Variants in ATP13A3 observed in about 807,000 individuals in gnomAD.
ATP13A3 encodes the protein polyamine-transporting ATPase 13A3.
Under a neutral mutation model 158.1 loss-of-function variants are expected in ATP13A3, and 59 were observed. That is an observed-to-expected ratio of 0.37 (90% CI 0.30 to 0.46). ATP13A3 has a LOEUF of 0.46. Among genes scored for constraint, ATP13A3 ranks in the 20% least tolerant of loss-of-function variants. The pLI, the probability that ATP13A3 is intolerant of heterozygous loss-of-function variation, is 1.00. For synonymous variants in ATP13A3, 491 were observed against 504.3 expected, an observed-to-expected ratio of 0.97 and a Z score of 0.35; for missense variants, 1,166 against 1,525.2, an observed-to-expected ratio of 0.76 and a Z score of 3.92.
At chr3:194,471,456 C>A (rs1469108884) in intron 2 of ATP13A3, among the ~76,000 whole-genome samples, 2 of 151,984 alleles carry the variant, frequency 1.3e-5, no homozygotes, top group East Asian at 3.9e-4. Flanking sequence ...CGGGTTCAAG[C>A]AATTCTCTTG....
At chr3:194,434,450 A>G (rs1467229077) in intron 20 of ATP13A3, among the ~76,000 whole-genome samples, 1 of 152,250 alleles carries the variant, frequency 6.6e-6, no homozygotes, top group Admixed American at 6.5e-5. Flanking sequence ...AGTATCAAGA[A>G]TGCAGCAGGC....
chr3:194,431,151 T>C lies in ATP13A3; in HGVS notation c.2497A>G (p.Lys833Glu). 6.2e-7 allele frequency: 1 copy of C among 1,613,982 alleles called. No individual in the cohort carries two copies. The change falls in exon 23 of 34, where the codon AAA becomes GAA. Residue 833 changes from lysine (K) to glutamate (E), a missense_variant. Physicochemically the swap from Lys to Glu is moderately conservative, Grantham distance 56 (BLOSUM62 1). Coordinates refer to ENST00000645319, the MANE Select transcript of ATP13A3 (RefSeq NM_001367549.1). The stretch of plus-strand genomic sequence containing the variant: ...TGCTCCAGTATCACTGAGAATGATT[T>C]TCCATTCATTGCAAAATGATAACGA... Reference protein sequence around the residue: ...MTRYHFAMNGKSFSVILEHFQ... With the variant: ...MTRYHFAMNGESFSVILEHFQ...
chr3:194,424,958 C>G (rs193032343), intron 30 of ATP13A3, among the ~76,000 whole-genome samples: 3 of 152,306 alleles, frequency 2.0e-5, no homozygotes, highest in Admixed American at 6.5e-5. Context: ...CCTCTGTCTC[C>G]GCTTCCATTC....
intron 21 of ATP13A3, among the ~76,000 whole-genome samples, chr3:194,433,305 G>A (rs1399799189): frequency 1.4e-5 from 2 of 147,874 alleles, no homozygotes; most frequent in African/African-American, 2.5e-5. Flanking sequence ...CTGCAGTGGC[G>A]CAATCTCGGC....
chr3:194,488,927 T>G (rs1721111028), upstream of ATP13A3, among the ~76,000 whole-genome samples: 1 of 152,252 alleles, frequency 6.6e-6, no homozygotes, highest in Non-Finnish European at 1.5e-5. This position sits in a 1 kb window ranked among gnomAD's most constrained non-coding sequence, Gnocchi z 4.1. Flanking sequence ...TCCAATTGCC[T>G]GCCAGGCAGC....
intron 2 of ATP13A3, among the ~76,000 whole-genome samples, chr3:194,483,983 T>G (rs1031964328): frequency 6.6e-6 from 1 of 151,946 alleles, no homozygotes; most frequent in African/African-American, 2.4e-5. Context: ...AGTTGGCAGC[T>G]TATCACCTAT....
intron 6 of ATP13A3, chr3:194,459,236 C>T: frequency 2.1e-6 from 1 of 468,530 alleles, no homozygotes; most frequent in South Asian, 2.4e-5. Flanking sequence ...TAGACTTTGG[C>T]ATCATACTGA....
intron 1 of ATP13A3, 37 bp downstream of exon 1, chr3:194,486,529 C>A: frequency 6.6e-6 from 1 of 152,458 alleles, no homozygotes; most frequent in South Asian, 1.8e-4. Flanking sequence ...TCGACCTCCC[C>A]CGGCGCCGCT....
chr3:194,430,248 A>G (rs1717119930), intron 25 of ATP13A3, 25 bp downstream of exon 25: 6 of 1,613,524 alleles, frequency 3.7e-6, no homozygotes, highest in South Asian at 1.1e-5. Flanking sequence ...GAACTATAAA[A>G]CTAAATCACA....
At chr3:194,420,149 A>C in intron 30 of ATP13A3, 182 bp from the exon 31 acceptor site, 1 of 492,444 alleles carries the variant, frequency 2.0e-6, no homozygotes, top group South Asian at 4.3e-5. Flanking sequence ...CGGGGCACCC[A>C]AAAGATTCAC....
intron 15 of ATP13A3, among the ~76,000 whole-genome samples, chr3:194,444,248 G>C (rs1718240668): frequency 6.6e-6 from 1 of 152,170 alleles, no homozygotes; most frequent in South Asian, 2.1e-4. Flanking sequence ...ATTTGCAACA[G>C]TGCAGAGAAA....
At chr3:194,412,412 TG>T in intron 32 of ATP13A3, 124 bp from the exon 33 acceptor site, 1 of 737,762 alleles carries the variant, frequency 1.4e-6, no homozygotes. Flanking sequence ...TTTTCATATA[TG>T]GAATTTCAGT....
intron 31 of ATP13A3, among the ~76,000 whole-genome samples, chr3:194,416,802 T>A (rs1230654388): frequency 6.6e-6 from 1 of 152,130 alleles, no homozygotes; most frequent in Non-Finnish European, 1.5e-5. Flanking sequence ...CTAAAATGTG[T>A]CTGAATAAAG....
chr3:194,419,369 G>A (rs1277997900), intron 31 of ATP13A3, among the ~76,000 whole-genome samples: 1 of 151,986 alleles, frequency 6.6e-6, no homozygotes, highest in East Asian at 1.9e-4. Flanking sequence ...TCACTGACTT[G>A]TGCTCAGGTA....
At position 194,427,173 on chromosome 3, in the gene ATP13A3, G is replaced by C. The variant is rs767382981; in HGVS notation, c.3027C>G (p.Ser1009=). The C allele has an allele frequency of 2.5e-6, 4 of 1,613,640 alleles. No homozygotes were observed. The highest frequency in any genetic ancestry group is 1.7e-5 in the Admixed American group (1 of 59,932). Residue 1009 remains serine, a synonymous_variant, in exon 29 of 34, where the codon TCC becomes TCG. Transcript: ENST00000645319. ...SGLISGALLF[S]VLSQIIICIG... ...TGCAGATGATAATCTGAGACAAAAC[G>C]GAGAAGAGAAGGGCCCCAGATATAA... is the stretch of plus-strand genomic sequence containing the variant.
At position 194,438,976 on chromosome 3, in the gene ATP13A3, G is replaced by GAAA; in HGVS notation, c.1711-7_1711-5dup. 7.5e-7 allele frequency: 1 copy of GAAA among 1,333,730 alleles called. No homozygotes were observed. The highest frequency in any genetic ancestry group is 1.0e-6 in the Non-Finnish European group (1 of 989,730). 82.6% of individuals were successfully genotyped at this position (1,333,730 alleles called of 1,614,324 possible). A position where few individuals can be genotyped will look rare whatever the true frequency, so the allele number is the denominator to read the frequency against. ...CTTCAGTTGCTTCTTCCAGAATCTGGAAAAAAAAAAGAGACAAAAAAAAAC... is the reference window on the plus strand; with the variant it reads ...CTTCAGTTGCTTCTTCCAGAATCTGGAAAAAAAAAAAAAGAGACAAAAAAAAAC... On this transcript the variant is annotated splice_region_variant and splice_polypyrimidine_tract_variant and intron_variant, in intron 16 of 33. Coordinates refer to ENST00000645319, the MANE Select transcript of ATP13A3 (RefSeq NM_001367549.1).
intron 33 of ATP13A3, among the ~76,000 whole-genome samples, chr3:194,407,454 C>T (rs1715016839): frequency 6.6e-6 from 1 of 152,118 alleles, no homozygotes; most frequent in Non-Finnish European, 1.5e-5. Context: ...AAAATTAAAG[C>T]TCTTAAAGCT....
chr3:194,408,025 T>TA (rs1173600814), intron 33 of ATP13A3, among the ~76,000 whole-genome samples: 1 of 151,338 alleles, frequency 6.6e-6, no homozygotes, highest in Non-Finnish European at 1.5e-5. Flanking sequence ...TGTCACCTTT[T>TA]TTTTTTTTTT....
intron 8 of ATP13A3, among the ~76,000 whole-genome samples, chr3:194,454,663 T>TA (rs546485361): frequency 6.6e-6 from 1 of 151,822 alleles, no homozygotes; most frequent in Non-Finnish European, 1.5e-5. Context: ...CTGTCTCTAC[T>TA]AAAAAATACA....
Sources: gnomAD v4.1 joint callset for allele counts (sites outside exome capture counted in the v4.1 genomes callset) on GRCh38, gnomAD v4.1.1 for gene constraint, Gnocchi (gnomAD v3.1) non-coding constraint, MANE v1.5 for transcripts, NCBI Gene and HGNC (gene_info 2026-07-23, HGNC 2026-07-21) for gene names.